WDR6: variants seen among roughly 807,000 people sequenced by gnomAD.
The protein encoded by WDR6 is WD repeat domain 6, also known as tRNA (34-2'-O)-methyltransferase regulator WDR6.
A neutral mutation model predicts 85.6 loss-of-function variants in WDR6; 58 were observed. The observed-to-expected ratio is 0.68, with a 90% CI of 0.55 to 0.84. The LOEUF is 0.84. Among genes scored for constraint, WDR6 ranks in the 40% least tolerant of loss-of-function variants. The pLI is 0.00. For synonymous variants in WDR6, 569 were observed against 582.2 expected, an observed-to-expected ratio of 0.98 and a Z score of 0.33; for missense variants, 1,310 against 1,476.4, an observed-to-expected ratio of 0.89 and a Z score of 1.85.
Position 49,012,998 on chromosome 3 carries a change from A to G in WDR6, c.1464A>G (p.Pro488=). 4 of 1,613,666 alleles carry G rather than the reference A, an allele frequency of 2.5e-6. No individual in the cohort carries two copies. Among genetic ancestry groups the G allele is most frequent in the Non-Finnish European group, 3.4e-6 (4 of 1,179,854 alleles). The change falls in exon 2 of 6, where the codon CCA becomes CCG. Residue 488 remains proline (P), a synonymous_variant. Coordinates refer to ENST00000608424, the MANE Select transcript of WDR6 (RefSeq NM_018031.6). This position sits in a 1 kb window ranked among gnomAD's most constrained non-coding sequence, Gnocchi z 4.4. Reference sequence around the variant, plus strand: ...AACGTTGTCGGTACCTGCTGCCCCCAAGCAAGCAGAGATGGCACACATGCA... The same window carrying G: ...AACGTTGTCGGTACCTGCTGCCCCCGAGCAAGCAGAGATGGCACACATGCA... ...VKERCRYLLP[P]SKQRWHTCSA...
Position 49,015,086 on chromosome 3 carries a change from G to A in WDR6, c.3164G>A (p.Ser1055Asn). Residue 1055 changes from serine to asparagine, a missense_variant, in exon 6 of 6, where the codon AGC (serine) becomes AAC (asparagine). Physicochemically the swap from Ser to Asn is conservative, Grantham distance 46. Coordinates refer to ENST00000608424, the MANE Select transcript of WDR6 (RefSeq NM_018031.6). ...AAHVTGLKILSPSIMVSASID... is the reference protein window; with the variant it reads ...AAHVTGLKILNPSIMVSASID... ...CATGTGACAGGCCTCAAGATCCTAAGCCCAAGCATCATGGTCTCAGCCTCC... is the reference window on the plus strand; with the variant it reads ...CATGTGACAGGCCTCAAGATCCTAAACCCAAGCATCATGGTCTCAGCCTCC... The A allele has an allele frequency of 6.2e-7, 1 of 1,614,120 alleles. No individual in the cohort carries two copies. Among genetic ancestry groups the A allele is most frequent in the Non-Finnish European group, 8.5e-7 (1 of 1,180,040 alleles).
Position 49,013,757 on chromosome 3 carries a change from C to T in WDR6, c.2223C>T (p.Asp741=). 6.2e-7 allele frequency: 1 copy of T among 1,614,088 alleles called. No individual in the cohort carries two copies. The highest frequency in any genetic ancestry group is 2.2e-5 in the East Asian group (1 of 44,892). ...GCAGTGAGGGGCCCGACTTGACTGA[C>T]ATTGTGATCACATGTAGTGAGGACA... ...EPGSEGPDLT[D]IVITCSEDTT... The change falls in exon 2 of 6, where the codon GAC becomes GAT. Residue 741 remains aspartate, a synonymous_variant. Coordinates refer to ENST00000608424, the MANE Select transcript of WDR6 (RefSeq NM_018031.6). This position sits in a 1 kb window ranked among gnomAD's most constrained non-coding sequence, Gnocchi z 4.6.
At position 49,015,578 on chromosome 3, in the gene WDR6, C is replaced by G; in HGVS notation, c.*290C>G. ...TGTGAACATTCCCAGGTATTGGAGC[C>G]TCTGTGGCCTTAAATGTGGCTCAGT... On this transcript the variant is annotated 3_prime_UTR_variant, in exon 6 of 6. Coordinates refer to ENST00000608424, the MANE Select transcript of WDR6 (RefSeq NM_018031.6). 6.2e-7 allele frequency: 1 copy of G among 1,613,988 alleles called. No individual in the cohort carries two copies. The highest frequency in any genetic ancestry group is 8.5e-7 in the Non-Finnish European group (1 of 1,179,946).
Position 49,015,762 on chromosome 3 carries a change from A to G in WDR6, c.*474A>G, listed in dbSNP as rs760100962. On this transcript the variant is annotated 3_prime_UTR_variant, in exon 6 of 6. Coordinates refer to ENST00000608424, the MANE Select transcript of WDR6 (RefSeq NM_018031.6). ...CCTCTGCTTCCTTTGCCTTTACCCT[A>G]TACCTCTCTGCACGTCCCACCCCAT... The G allele has an allele frequency of 1.2e-6, 2 of 1,614,018 alleles. No homozygotes were observed. The highest frequency in any genetic ancestry group is 3.3e-5 in the Admixed American group (2 of 60,008).
Position 49,013,149 on chromosome 3 carries a change from G to A in WDR6, c.1615G>A (p.Gly539Arg). The A allele has an allele frequency of 6.2e-7, 1 of 1,609,262 alleles. No individual in the cohort carries two copies. The highest frequency in any genetic ancestry group is 1.1e-5 in the South Asian group (1 of 90,702). The change falls in exon 2 of 6, where the codon GGG becomes AGG. Residue 539 changes from glycine to arginine, a missense_variant. By Grantham distance (125) the Gly-to-Arg change is moderately radical (BLOSUM62 -2). Coordinates refer to ENST00000608424, the MANE Select transcript of WDR6 (RefSeq NM_018031.6). This position sits in a 1 kb window ranked among gnomAD's most constrained non-coding sequence, Gnocchi z 4.6. ...GGGAGGCAAGGCTCGGGCTGGTGCT[G>A]GGGCACCTGTAGTGGGTAGTGGTAG... is the stretch of plus-strand genomic sequence containing the variant. ...GVGGKARAGA[G>R]APVVGSGSSG...
In WDR6 at chr3:49,014,544, G is replaced by A; in HGVS notation, c.2783+45G>A. Reference sequence around the variant, plus strand: ...GGTCCTGCATGGGCTGGGTTGGGGGGTTCCTGTTGAGCTTCATCTCTGTTA... The same window carrying A: ...GGTCCTGCATGGGCTGGGTTGGGGGATTCCTGTTGAGCTTCATCTCTGTTA... On this transcript the variant is annotated intron_variant, in intron 4 of 5. Coordinates refer to ENST00000608424, the MANE Select transcript of WDR6 (RefSeq NM_018031.6). This position sits in a 1 kb window ranked among gnomAD's most constrained non-coding sequence, Gnocchi z 4.9. The A allele has an allele frequency of 6.2e-7, 1 of 1,613,656 alleles. No individual in the cohort carries two copies. Among genetic ancestry groups the A allele is most frequent in the Non-Finnish European group, 8.5e-7 (1 of 1,179,864 alleles).
chr3:49,015,100 G>T lies in WDR6; in HGVS notation c.3178G>T (p.Val1060Phe). The T allele has an allele frequency of 6.2e-7, 1 of 1,614,088 alleles. No homozygotes were observed. Among genetic ancestry groups the T allele is most frequent in the Non-Finnish European group, 8.5e-7 (1 of 1,180,044 alleles). The change falls in exon 6 of 6, where the codon GTC (valine) becomes TTC (phenylalanine). Residue 1060 changes from valine (V) to phenylalanine (F), a missense_variant. Coordinates refer to ENST00000608424, the MANE Select transcript of WDR6 (RefSeq NM_018031.6). ...GLKILSPSIMVSASIDQRLTF... is the reference protein window; with the variant it reads ...GLKILSPSIMFSASIDQRLTF... ...CAAGATCCTAAGCCCAAGCATCATG[G>T]TCTCAGCCTCCATTGATCAACGGCT...
At position 49,015,723 on chromosome 3, in the gene WDR6, C is replaced by G; in HGVS notation, c.*435C>G. 1 of 1,614,054 alleles carries G rather than the reference C, an allele frequency of 6.2e-7. No homozygotes were observed. The highest frequency in any genetic ancestry group is 8.5e-7 in the Non-Finnish European group (1 of 1,179,998). Reference sequence around the variant, plus strand: ...GTCGAGGCTCCTGAAAGAGAAAGGGCCTGCTGGTCTCATCCTCTGCTTCCT... The same window carrying G: ...GTCGAGGCTCCTGAAAGAGAAAGGGGCTGCTGGTCTCATCCTCTGCTTCCT... On this transcript the variant is annotated 3_prime_UTR_variant, in exon 6 of 6. Transcript: ENST00000608424.
chr3:49,014,341 G>GTCTA lies in WDR6; in HGVS notation c.2667-41_2667-38dup, dbSNP rs2093037746. ...GACAGGAGACAAAGGAAGTAAGGTT[G>GTCTA]TCTAGGATGCGTTCTGAGCTGGGCC... is the stretch of plus-strand genomic sequence containing the variant. On this transcript the variant is annotated intron_variant, in intron 3 of 5. Coordinates refer to ENST00000608424, the MANE Select transcript of WDR6 (RefSeq NM_018031.6). This position sits in a 1 kb window ranked among gnomAD's most constrained non-coding sequence, Gnocchi z 4.9. 23 of 1,613,986 alleles carry GTCTA rather than the reference G, an allele frequency of 1.4e-5. No homozygotes were observed. Among genetic ancestry groups the GTCTA allele is most frequent in the African/African-American group, 2.7e-5 (2 of 74,910 alleles).
Position 49,012,725 on chromosome 3 carries a change from G to A in WDR6, c.1191G>A (p.Glu397=). 6.2e-7 allele frequency: 1 copy of A among 1,613,948 alleles called. No individual in the cohort carries two copies. ...DKHFQSYCLL[E]AAPGPEGFGL... is the part of the protein sequence containing the mutation. The stretch of plus-strand genomic sequence containing the variant: ...ATTTCCAGTCCTACTGCCTGCTGGA[G>A]GCAGCTCCTGGTCCCGAGGGCTTCG... Residue 397 remains glutamate (E), a synonymous_variant, in exon 2 of 6, where the codon GAG becomes GAA. Coordinates refer to ENST00000608424, the MANE Select transcript of WDR6 (RefSeq NM_018031.6). This position sits in a 1 kb window ranked among gnomAD's most constrained non-coding sequence, Gnocchi z 4.4.
Position 49,015,524 on chromosome 3 carries a change from G to A in WDR6, c.*236G>A. On this transcript the variant is annotated 3_prime_UTR_variant, in exon 6 of 6. Transcript: ENST00000608424. ...CAGTACCAATTTATTTTGGCCGTGG[G>A]TTTTTGCTTTTTTTCCAGTTGATGA... 6.2e-7 allele frequency: 1 copy of A among 1,601,214 alleles called. No homozygotes were observed. The highest frequency in any genetic ancestry group is 8.5e-7 in the Non-Finnish European group (1 of 1,172,292).
In WDR6 at chr3:49,015,435, G is replaced by T; in HGVS notation, c.*147G>T. The T allele has an allele frequency of 7.1e-7, 1 of 1,407,044 alleles. No individual in the cohort carries two copies. Among genetic ancestry groups the T allele is most frequent in the Non-Finnish European group, 9.8e-7 (1 of 1,023,600 alleles). 87.2% of individuals were successfully genotyped at this position (1,407,044 alleles called of 1,614,324 possible). On this transcript the variant is annotated 3_prime_UTR_variant, in exon 6 of 6. Transcript: ENST00000608424. The stretch of plus-strand genomic sequence containing the variant: ...TCCTGATGTCGGTGCAGGAGCTGAA[G>T]GTGAGTGGAGTGCTGCCAAGAATAT...
rs1374919299 is a variant in WDR6, at chr3:49,007,568, G to C, written c.100+37G>C. 13 of 1,560,488 alleles carry C rather than the reference G, an allele frequency of 8.3e-6. No individual in the cohort carries two copies. The highest frequency in any genetic ancestry group is 1.4e-5 in the African/African-American group (1 of 73,636). On this transcript the variant is annotated intron_variant, in intron 1 of 5. Coordinates refer to ENST00000608424, the MANE Select transcript of WDR6 (RefSeq NM_018031.6). This position sits in a 1 kb window ranked among gnomAD's most constrained non-coding sequence, Gnocchi z 5.1. The stretch of plus-strand genomic sequence containing the variant: ...CTTGAGGCACGCCTGGTGGAAAGGG[G>C]GAAAGAAACAGCGCCTCCCAGGGGC...
chr3:49,014,901 G>A lies in WDR6; in HGVS notation c.2979G>A (p.Glu993=), dbSNP rs1357733132. 1.9e-6 allele frequency: 3 copies of A among 1,613,998 alleles called. No individual in the cohort carries two copies. The highest frequency in any genetic ancestry group is 1.7e-5 in the Admixed American group (1 of 60,022). ...GCCTGCACACCTTGCCCACCCGTGAGGGCCACCATCTCGTGGCCAGTGGCA... is the reference window on the plus strand; with the variant it reads ...GCCTGCACACCTTGCCCACCCGTGAAGGCCACCATCTCGTGGCCAGTGGCA... ...INSLHTLPTR[E]GHHLVASGSE... is the part of the protein sequence containing the mutation. Residue 993 remains glutamate, a synonymous_variant, in exon 6 of 6, where the codon GAG becomes GAA. Coordinates refer to ENST00000608424, the MANE Select transcript of WDR6 (RefSeq NM_018031.6). The surrounding 1 kb of genome is among the most constrained non-coding windows in gnomAD (Gnocchi z 4.9).
At position 49,012,984 on chromosome 3, in the gene WDR6, T is replaced by C; in HGVS notation, c.1450T>C (p.Tyr484His). ...CATCTTTGTCAAGGAACGTTGTCGG[T>C]ACCTGCTGCCCCCAAGCAAGCAGAG... ...KAIFVKERCR[Y>H]LLPPSKQRWH... Residue 484 changes from tyrosine to histidine, a missense_variant, in exon 2 of 6, where the codon TAC becomes CAC. By Grantham distance (83) the Tyr-to-His change is moderately conservative. Coordinates refer to ENST00000608424, the MANE Select transcript of WDR6 (RefSeq NM_018031.6). The surrounding 1 kb of genome is among the most constrained non-coding windows in gnomAD (Gnocchi z 4.4). 6.2e-7 allele frequency: 1 copy of C among 1,613,910 alleles called. No individual in the cohort carries two copies. Among genetic ancestry groups the C allele is most frequent in the Non-Finnish European group, 8.5e-7 (1 of 1,179,966 alleles).
Position 49,015,524 on chromosome 3 carries a change from GT to G in WDR6, c.*241del. On this transcript the variant is annotated 3_prime_UTR_variant, in exon 6 of 6. Transcript: ENST00000608424. The stretch of plus-strand genomic sequence containing the variant: ...CAGTACCAATTTATTTTGGCCGTGG[GT>G]TTTTGCTTTTTTTCCAGTTGATGAC... The G allele has an allele frequency of 3.7e-6, 6 of 1,601,214 alleles. No homozygotes were observed. Among genetic ancestry groups the G allele is most frequent in the South Asian group, 2.2e-5 (2 of 89,818 alleles).
At position 49,013,534 on chromosome 3, in the gene WDR6, C is replaced by T. The variant is rs200318498; in HGVS notation, c.2000C>T (p.Ala667Val). The part of the protein sequence containing the change: ...HRSWAFSDTE[A>V]AMAFAYLKDG... ...TCGTGGGCATTCTCTGATACTGAGGCGGCCATGGCCTTTGCTTACCTCAAG... is the reference window on the plus strand; with the variant it reads ...TCGTGGGCATTCTCTGATACTGAGGTGGCCATGGCCTTTGCTTACCTCAAG... The change falls in exon 2 of 6, where the codon GCG (alanine) becomes GTG (valine). Residue 667 changes from alanine to valine, a missense_variant. Transcript: ENST00000608424. This position sits in a 1 kb window ranked among gnomAD's most constrained non-coding sequence, Gnocchi z 4.6. 19 of 1,613,990 alleles carry T rather than the reference C, an allele frequency of 1.2e-5. No individual in the cohort carries two copies. The highest frequency in any genetic ancestry group is 8.3e-5 in the Admixed American group (5 of 60,022).
In WDR6 at chr3:49,007,473, G is replaced by A; in HGVS notation, c.42G>A (p.Ser14=). Residue 14 remains serine, a synonymous_variant, in exon 1 of 6, where the codon TCG becomes TCA. Coordinates refer to ENST00000608424, the MANE Select transcript of WDR6 (RefSeq NM_018031.6). The surrounding 1 kb of genome is among the most constrained non-coding windows in gnomAD (Gnocchi z 5.1). The stretch of plus-strand genomic sequence containing the variant: ...ACTACGTTTGGCCGCGGGCAACCTC[G>A]GAGCTTATACTCCTCCCAGTGACGG... ...LEDYVWPRAT[S]ELILLPVTGL... is the part of the protein sequence containing the mutation. The A allele has an allele frequency of 6.2e-7, 1 of 1,612,756 alleles. No individual in the cohort carries two copies. The highest frequency in any genetic ancestry group is 8.5e-7 in the Non-Finnish European group (1 of 1,179,206).
chr3:49,015,269 T>C lies in WDR6; in HGVS notation c.3347T>C (p.Val1116Ala), dbSNP rs1575281700. The C allele has an allele frequency of 6.2e-6, 10 of 1,611,070 alleles. No individual in the cohort carries two copies. Among genetic ancestry groups the C allele is most frequent in the Non-Finnish European group, 8.5e-6 (10 of 1,179,916 alleles). ...RCALGGQGLE[V>A]YNWYD ...GCCCTTGGGGGTCAGGGGCTTGAGGTTTACAACTGGTATGACTGAGGTATC... is the reference window on the plus strand; with the variant it reads ...GCCCTTGGGGGTCAGGGGCTTGAGGCTTACAACTGGTATGACTGAGGTATC... Residue 1116 changes from valine to alanine, a missense_variant, in exon 6 of 6, where the codon GTT becomes GCT. Val to Ala is a moderately conservative substitution (Grantham distance 64, BLOSUM62 0). Transcript: ENST00000608424.
Sources: allele counts gnomAD v4.1 joint callset, GRCh38; gene constraint gnomAD v4.1.1; non-coding constraint Gnocchi (gnomAD v3.1); transcripts MANE v1.5; gene names NCBI Gene and HGNC (gene_info 2026-07-23, HGNC 2026-07-21).